Variants in SSU72 observed in about 807,000 individuals in gnomAD.
SSU72 encodes the protein RNA polymerase II subunit A C-terminal domain phosphatase SSU72.
SSU72 carries 12 observed loss-of-function variants against 22.7 expected under a neutral mutation model. The observed-to-expected ratio is 0.53, with a 90% CI of 0.34 to 0.86. The LOEUF (loss-of-function observed/expected upper bound fraction) is 0.86. Among genes scored for constraint, SSU72 ranks in the 40% least tolerant of loss-of-function variants. The pLI is 0.02. For missense variants in SSU72, 151 were observed against 249.8 expected (o/e 0.60, Z 2.67); for synonymous variants, 116 against 98.3 (o/e 1.18, Z -1.06).
rs935797272 is a variant in SSU72 at position 1,564,460 on chromosome 1, G to A, written c.224+313C>T. ...GCAGCCCTGCAGTGTGAAAAGCAAT[G>A]GGATTTTGTGGGTTCCACCTCCTCA... is the stretch of plus-strand genomic sequence containing the variant. On this transcript the variant is annotated intron_variant, in intron 2 of 4. Transcript: ENST00000291386. The A allele has an allele frequency of 1.2e-5, 18 of 1,468,460 alleles. No homozygotes were observed. The Admixed American group carries it at 4.3e-4, about 35-fold the overall frequency. The allele number at this position is 1,468,460 out of a possible 1,614,324, so 91.0% of individuals were successfully genotyped here. A position where few individuals can be genotyped will look rare whatever the true frequency, so the allele number is the denominator to read the frequency against.
intron 1 of SSU72, among the ~76,000 whole-genome samples, chr1:1,574,129 G>A (rs551289758): frequency 3.9e-5 from 6 of 152,100 alleles, no homozygotes; most frequent in Admixed American, 3.3e-4. Flanking sequence ...TGTGTTGCGC[G>A]CCGTTTCCAG....
intron 4 of SSU72, among the ~76,000 whole-genome samples, chr1:1,543,371 G>C (rs1642348647): frequency 6.6e-6 from 1 of 152,240 alleles, no homozygotes. Flanking sequence ...ACGGGGAAGA[G>C]ACAAGGTACC....
intron 1 of SSU72, among the ~76,000 whole-genome samples, chr1:1,569,821 C>T (rs1203484203): frequency 2.0e-5 from 3 of 151,438 alleles, no homozygotes; most frequent in Admixed American, 6.6e-5. Context: ...TTAAAAGGGG[C>T]GAGGTTCACT....
chr1:1,573,405 G>T (rs1642762867), intron 1 of SSU72, among the ~76,000 whole-genome samples: 1 of 148,786 alleles, frequency 6.7e-6, no homozygotes, highest in Non-Finnish European at 1.5e-5. Flanking sequence ...ACTCCAGTTT[G>T]GGCGACAGAG....
In SSU72 at chr1:1,568,431, T is replaced by TA. The variant is rs113267529; in HGVS notation, c.81-3516dup. ...ACATGACAAAACCCCGTCTCTACTT[T>TA]AAAAAAAAAATAAAAAAATAAAAAA... On this transcript the variant is annotated intron_variant, in intron 1 of 4. Transcript: ENST00000291386. Among the ~76,000 whole-genome samples the TA allele has an allele frequency of 2.5e-3, 372 of 146,564 alleles. 2 individuals carry two copies. The highest frequency in any genetic ancestry group is 8.0e-3 in the African/African-American group (318 of 39,886).
rs926929849 is a variant in SSU72 at position 1,560,161 on chromosome 1, T to C, written c.224+4612A>G. Among the ~76,000 whole-genome samples, 5 of 152,042 alleles carry C rather than the reference T, an allele frequency of 3.3e-5. No individual in the cohort carries two copies. The East Asian group carries it at 5.8e-4, about 18-fold the overall frequency. ...GCCACTGCATCCAGCCCCATGTATG[T>C]ATACTATTAATTCCCAAAAGAAAAT... On this transcript the variant is annotated intron_variant, in intron 2 of 4. Transcript: ENST00000291386.
chr1:1,566,810 C>T (rs1334512154), intron 1 of SSU72, among the ~76,000 whole-genome samples: 2 of 151,332 alleles, frequency 1.3e-5, no homozygotes, highest in African/African-American at 2.4e-5. Context: ...GCTGAGATCG[C>T]GCCACTGCAC....
At chr1:1,565,680 A>C (rs1470743427) in intron 1 of SSU72, among the ~76,000 whole-genome samples, 4 of 149,274 alleles carry the variant, frequency 2.7e-5, no homozygotes, top group Admixed American at 6.7e-5. Context: ...CCACAGGCTC[A>C]GGGTTGCTGC....
intron 1 of SSU72, among the ~76,000 whole-genome samples, chr1:1,571,345 C>T (rs1417846392): frequency 7.1e-6 from 1 of 141,430 alleles, no homozygotes. Context: ...GAAGGAGAAT[C>T]GCTTCAACCT....
intron 1 of SSU72, among the ~76,000 whole-genome samples, chr1:1,569,321 T>TCTGGC (rs1312377781): frequency 1.3e-5 from 2 of 152,174 alleles, no homozygotes; most frequent in Non-Finnish European, 2.9e-5. Flanking sequence ...GGCGGAGTCT[T>TCTGGC]CTGGCGCTGC....
chr1:1,571,431 C>A (rs1177551387), intron 1 of SSU72, among the ~76,000 whole-genome samples: 653 of 64,964 alleles, frequency 0.01, 4 homozygotes, highest in African/African-American at 0.068. Flanking sequence ...ACTCCGACTT[C>A]AACAAAAAAA....
At chr1:1,552,139 C>G (rs1178172701) in intron 2 of SSU72, among the ~76,000 whole-genome samples, 1 of 152,144 alleles carries the variant, frequency 6.6e-6, no homozygotes, top group African/African-American at 2.4e-5. Context: ...GCAGACCATC[C>G]TCACGCTGGC....
Position 1,558,458 on chromosome 1 carries a change from T to C in SSU72, c.224+6315A>G, listed in dbSNP as rs1302028978. Among the ~76,000 whole-genome samples the C allele has an allele frequency of 2.0e-5, 3 of 152,088 alleles. No individual in the cohort carries two copies. The East Asian group carries it at 5.8e-4, about 29-fold the overall frequency. On this transcript the variant is annotated intron_variant, in intron 2 of 4. Transcript: ENST00000291386. ...AAATCCACAAGAGAGGTACAAACAGTATATGCCAGACACAGGCTTGGTCTC... is the reference window on the plus strand; with the variant it reads ...AAATCCACAAGAGAGGTACAAACAGCATATGCCAGACACAGGCTTGGTCTC...
chr1:1,545,270 C>G, intron 2 of SSU72: 1 of 454,226 alleles, frequency 2.2e-6, no homozygotes, highest in Non-Finnish European at 4.0e-6. Context: ...CAGGACACCC[C>G]CCGCCCCCGC....
At chr1:1,547,827 G>C (rs551181585) in intron 2 of SSU72, among the ~76,000 whole-genome samples, 1 of 152,238 alleles carries the variant, frequency 6.6e-6, no homozygotes, top group Non-Finnish European at 1.5e-5. Flanking sequence ...ACTGCCGGGC[G>C]GGAGGAAGGG....
At chr1:1,574,313 G>A (rs1227416671) in intron 1 of SSU72, among the ~76,000 whole-genome samples, 165 bp downstream of exon 1, 4 of 152,136 alleles carry the variant, frequency 2.6e-5, no homozygotes, top group African/African-American at 7.2e-5. Flanking sequence ...CCCGCGTGTG[G>A]ACTACGCGCG....
chr1:1,565,397 C>A (rs2100719643), intron 1 of SSU72, among the ~76,000 whole-genome samples: 1 of 152,288 alleles, frequency 6.6e-6, no homozygotes, highest in African/African-American at 2.4e-5. Flanking sequence ...CCAGAACTGA[C>A]CATCACAAAG....
At chr1:1,548,621 C>T (rs1015951463) in intron 2 of SSU72, among the ~76,000 whole-genome samples, 2 of 151,256 alleles carry the variant, frequency 1.3e-5, no homozygotes, top group Non-Finnish European at 2.9e-5. Context: ...TGAGATGTGG[C>T]AGCCACGGGG....
intron 1 of SSU72, among the ~76,000 whole-genome samples, chr1:1,571,012 C>T (rs1050077938): frequency 2.6e-5 from 4 of 151,908 alleles, no homozygotes; most frequent in African/African-American, 4.8e-5. Flanking sequence ...TTTGGGAGGC[C>T]GAGGCGGGCG....
Sources: gnomAD v4.1 joint callset for allele counts (sites outside exome capture counted in the v4.1 genomes callset) on GRCh38, gnomAD v4.1.1 for gene constraint, MANE v1.5 for transcripts, NCBI Gene and HGNC (gene_info 2026-07-23, HGNC 2026-07-21) for gene names.